KIF11: variants seen among roughly 807,000 people sequenced by gnomAD.
The protein encoded by KIF11 is kinesin family member 11.
Under a neutral mutation model 121.0 loss-of-function variants are expected in KIF11, and 9 were observed. The ratio of observed to expected loss-of-function variants is 0.07; its 90% CI spans 0.04 to 0.13. KIF11 has a LOEUF of 0.13. KIF11 is among the 10% of genes least tolerant of loss of function. The probability of loss-of-function intolerance (pLI) is 1.00; values close to 1 mark genes in which losing one functional copy is unlikely to be tolerated. For synonymous variants in KIF11, 408 were observed against 421.0 expected (o/e 0.97, Z 0.38); for missense variants, 846 against 1,217.5 (o/e 0.69, Z 4.54).
chr10:92,637,051 AAAG>A (rs1248919072), intron 14 of KIF11, 130 bp from the exon 15 acceptor site: 6 of 740,918 alleles, frequency 8.1e-6, no homozygotes, highest in Non-Finnish European at 8.1e-6. Context: ...AAAAAAAAAA[AAAG>A]AATGGAGAAT....
chr10:92,620,355 C>T (rs1199419869), intron 9 of KIF11, among the ~76,000 whole-genome samples: 1 of 152,184 alleles, frequency 6.6e-6, no homozygotes, highest in African/African-American at 2.4e-5. Context: ...GCTGGGATTA[C>T]AGGCGTGAGC....
Position 92,594,325 on chromosome 10 carries a change from G to A in KIF11, c.77+873G>A, listed in dbSNP as rs3824736. On this transcript the variant is annotated intron_variant, in intron 1 of 21. Transcript: ENST00000260731. ...CTTAGGCTATTGTTTACTCAGCCCT[G>A]GTAACTTGAATTGTGGATATCGAAG... 2.6e-5 allele frequency among the ~76,000 whole-genome samples: 4 copies of A among 152,276 alleles called. No individual in the cohort carries two copies. The East Asian group carries it at 5.8e-4, about 22-fold the overall frequency.
chr10:92,603,763 C>G (rs1288665518), intron 1 of KIF11, among the ~76,000 whole-genome samples: 1 of 152,196 alleles, frequency 6.6e-6, no homozygotes, highest in Non-Finnish European at 1.5e-5. Context: ...GCTGAGATTA[C>G]AGGCGTGAGC....
rs1554863366 is a variant in KIF11 at position 92,651,507 on chromosome 10, G to GTATTTTTTTTTTTTTTT, written c.3039+991_3039+992insATTTTTTTTTTTTTTTT. Reference sequence around the variant, plus strand: ...TGTGCCACCATGCCTGGCTAATTTTGTTTTTTTTTTTTTTTTTTTTTTTTT... The same window carrying GTATTTTTTTTTTTTTTT: ...TGTGCCACCATGCCTGGCTAATTTTGTATTTTTTTTTTTTTTTTTTTTTTTTTTTTTTTTTTTTTTTT... On this transcript the variant is annotated intron_variant, in intron 21 of 21. Transcript: ENST00000260731. Among the ~76,000 whole-genome samples the GTATTTTTTTTTTTTTTT allele has an allele frequency of 2.5e-4, 13 of 52,974 alleles. 3 individuals carry two copies. The highest frequency in any genetic ancestry group is 9.2e-4 in the East Asian group (1 of 1,084). The allele number at this position is 52,974 out of a possible 152,430, so 34.8% of individuals were successfully genotyped here. A position where few individuals can be genotyped will look rare whatever the true frequency, so the allele number is the denominator to read the frequency against.
intron 1 of KIF11, chr10:92,596,996 G>A (rs1426524728): frequency 5.0e-6 from 2 of 399,814 alleles, no homozygotes; most frequent in Non-Finnish European, 1.0e-5. Flanking sequence ...CAATGCATGG[G>A]TCACATTTGA....
chr10:92,637,257 T>C lies in KIF11; in HGVS notation c.1949T>C (p.Ile650Thr), dbSNP rs746889801. The C allele has an allele frequency of 1.9e-6, 3 of 1,590,194 alleles. No homozygotes were observed. In the East Asian group the frequency reaches 6.7e-5, roughly 36 times the overall value. ...CCAACTGTGGTGTCTATACTGAAAA[T>C]CAATAGTCAACTAAAGCATATTTTC... ...LSPTVVSILK[I>T]NSQLKHIFKT... The change falls in exon 15 of 22, where the codon ATC becomes ACC. Residue 650 changes from isoleucine (I) to threonine (T), a missense_variant. Physicochemically the swap from Ile to Thr is moderately conservative, Grantham distance 89. This residue lies in a region of KIF11 where 492 missense variants were observed against 603.4 expected (regional missense o/e 0.82). Transcript: ENST00000260731.
intron 9 of KIF11, among the ~76,000 whole-genome samples, chr10:92,618,148 T>G (rs1052640776): frequency 2.0e-5 from 3 of 152,212 alleles, no homozygotes; most frequent in Admixed American, 2.0e-4. Flanking sequence ...ATTCAAATGC[T>G]TTGCCCAATT....
intron 1 of KIF11, among the ~76,000 whole-genome samples, chr10:92,596,428 T>C (rs1371102367): frequency 6.6e-6 from 1 of 152,250 alleles, no homozygotes; most frequent in African/African-American, 2.4e-5. Context: ...TTAAAGTTTT[T>C]GAGGAACCGA....
rs893120198 is a variant in KIF11, at chr10:92,655,227, G to C, written c.*1431G>C. On this transcript the variant is annotated 3_prime_UTR_variant, in exon 22 of 22. Coordinates refer to ENST00000260731, the MANE Select transcript of KIF11 (RefSeq NM_004523.4). ...CTAAATTAAACCAAACCCTATTGAA[G>C]AATTGAATATATGCTACTTCAAGAA... The C allele has an allele frequency of 1.3e-5, 2 of 152,230 alleles. No individual in the cohort carries two copies. Among genetic ancestry groups the C allele is most frequent in the Admixed American group, 6.5e-5 (1 of 15,270 alleles). 9.4% of individuals were successfully genotyped at this position (152,230 alleles called of 1,614,324 possible).
rs1844464913 is a variant in KIF11, at chr10:92,609,277, AGAGAG to A, written c.573+73_573+77del. The A allele has an allele frequency of 3.2e-6, 3 of 942,358 alleles. No individual in the cohort carries two copies. The East Asian group carries it at 9.3e-5, about 29-fold the overall frequency. The allele number at this position is 942,358 out of a possible 1,614,324, so 58.4% of individuals were successfully genotyped here. ...AGGCTTTGAGAAGTCAGAGAGAGAG[AGAGAG>A]AGAGAGAGAGAGAGAGAGAGAGTGT... is the stretch of plus-strand genomic sequence containing the variant. On this transcript the variant is annotated intron_variant, in intron 5 of 21. Transcript: ENST00000260731.
At chr10:92,651,151 G>A (rs1373145812) in intron 21 of KIF11, among the ~76,000 whole-genome samples, 3 of 151,564 alleles carry the variant, frequency 2.0e-5, no homozygotes, top group Admixed American at 6.6e-5. Flanking sequence ...TCAGCCTCCC[G>A]GGTAGCTAGG....
chr10:92,651,502 A>ATTTTT lies in KIF11; in HGVS notation c.3039+989_3039+990insTTTTT, dbSNP rs1343216900. On this transcript the variant is annotated intron_variant, in intron 21 of 21. Transcript: ENST00000260731. ...AGGCATGTGCCACCATGCCTGGCTA[A>ATTTTT]TTTTGTTTTTTTTTTTTTTTTTTTT... Among the ~76,000 whole-genome samples the ATTTTT allele has an allele frequency of 1.4e-3, 30 of 21,548 alleles. 1 individual carries two copies. Among genetic ancestry groups the ATTTTT allele is most frequent in the Non-Finnish European group, 1.9e-3 (24 of 12,338 alleles). The allele number at this position is 21,548 out of a possible 152,430, so 14.1% of individuals were successfully genotyped here. A position where few individuals can be genotyped will look rare whatever the true frequency, so the allele number is the denominator to read the frequency against.
chr10:92,612,884 A>G (rs928759462), intron 6 of KIF11, among the ~76,000 whole-genome samples, 156 bp from the exon 7 acceptor site: 10 of 152,140 alleles, frequency 6.6e-5, no homozygotes, highest in Non-Finnish European at 1.0e-4. Flanking sequence ...TGTTCTATCT[A>G]TCTCCTATCT....
Position 92,620,429 on chromosome 10 carries a change from C to T in KIF11, c.1129-956C>T, listed in dbSNP as rs886709601. ...GCAGGACACATGCTTGATTAATTTC[C>T]TTTATTTGCCAATTTTGAGAATAAT... On this transcript the variant is annotated intron_variant, in intron 9 of 21. Coordinates refer to ENST00000260731, the MANE Select transcript of KIF11 (RefSeq NM_004523.4). Among the ~76,000 whole-genome samples the T allele has an allele frequency of 2.0e-4, 31 of 152,144 alleles. 1 individual carries two copies. The highest frequency in any genetic ancestry group is 2.0e-3 in the Admixed American group (31 of 15,270).
rs199722531 is a variant in KIF11 at position 92,617,248 on chromosome 10, C to T, written c.1128+416C>T. Among the ~76,000 whole-genome samples, 7 of 152,188 alleles carry T rather than the reference C, an allele frequency of 4.6e-5. No individual in the cohort carries two copies. The East Asian group carries it at 9.6e-4, about 21-fold the overall frequency. On this transcript the variant is annotated intron_variant, in intron 9 of 21. Transcript: ENST00000260731. Reference sequence around the variant, plus strand: ...CAGTTTCCCTTTGCTCCTTTACAATCATGTGGCCACTGACCTGCTTTCTGT... The same window carrying T: ...CAGTTTCCCTTTGCTCCTTTACAATTATGTGGCCACTGACCTGCTTTCTGT...
chr10:92,596,899 C>A, intron 1 of KIF11: 1 of 237,768 alleles, frequency 4.2e-6, no homozygotes, highest in South Asian at 6.0e-5. Context: ...CTGTGTTTGG[C>A]CCCAGTGCAG....
At chr10:92,651,788 GA>G (rs1844988663) in intron 21 of KIF11, among the ~76,000 whole-genome samples, 1 of 151,754 alleles carries the variant, frequency 6.6e-6, no homozygotes, top group African/African-American at 2.4e-5. Context: ...TAAGTAGGAG[GA>G]TTCCAATGAA....
At chr10:92,637,032 C>CAAAAAAAAAAAAAAAAAAAAAAAAAA (rs66987236) in intron 14 of KIF11, 152 bp from the exon 15 acceptor site, 1 of 346,760 alleles carries the variant, frequency 2.9e-6, no homozygotes, top group Non-Finnish European at 4.7e-6. Flanking sequence ...GACTCCGTCT[C>CAAAAAAAAAAAAAAAAAAAAAAAAAA]AAAAAAAAAA....
chr10:92,609,340 GTGT>G, intron 5 of KIF11, 42 bp from the exon 6 acceptor site: 1 of 1,437,818 alleles, frequency 7.0e-7, no homozygotes, highest in Non-Finnish European at 9.6e-7. Context: ...GTGTGTGTGT[GTGT>G]TTTAACCAAT....
Sources: gnomAD v4.1 joint callset for allele counts (sites outside exome capture counted in the v4.1 genomes callset) on GRCh38, gnomAD v4.1.1 for gene constraint, gnomAD v4.1.1 regional missense constraint, MANE v1.5 for transcripts, NCBI Gene and HGNC (gene_info 2026-07-23, HGNC 2026-07-21) for gene names.